Variants in SLC22A24 observed in about 807,000 individuals in gnomAD.
The protein encoded by SLC22A24 is steroid transmembrane transporter SLC22A24.
A neutral mutation model predicts 49.8 loss-of-function variants in SLC22A24; 53 were observed. The ratio of observed to expected loss-of-function variants is 1.06; its 90% CI spans 0.85 to 1.34. The LOEUF (loss-of-function observed/expected upper bound fraction) is 1.34. Among genes scored for constraint, SLC22A24 ranks in the 40% most tolerant of loss-of-function variants. SLC22A24 has a pLI of 0.00. For synonymous variants in SLC22A24, 302 were observed against 256.4 expected (o/e 1.18, Z -1.70); for missense variants, 786 against 675.9 (o/e 1.16, Z -1.81).
chr11:63,083,311 C>T lies in SLC22A24; in HGVS notation c.1217G>A (p.Arg406Gln), dbSNP rs1047710524. ...GAACGTGAACAATATCTGGCTTATT[C>T]GACGACCCATATGATTCAGTGTCAA... ...SLLTLNHMGR[R>Q]ISQILFTFPV... The change falls in exon 7 of 10, where the codon CGA becomes CAA. Residue 406 changes from arginine to glutamine, a missense_variant. Coordinates refer to ENST00000612278, the MANE Select transcript of SLC22A24 (RefSeq NM_001136506.2). The T allele has an allele frequency of 1.2e-5, 19 of 1,560,378 alleles. No homozygotes were observed. In the East Asian group the frequency reaches 2.4e-4, roughly 20 times the overall value.
rs568137275 is a variant in SLC22A24, at chr11:63,143,874, G to A, written c.-95C>T. ...TGTCCCCTTTCACAAAGTTACCATA[G>A]TGCCATGTGGATCCTGACACTGCTT... On this transcript the variant is annotated 5_prime_UTR_variant, in exon 1 of 10. Transcript: ENST00000612278. 2 of 1,069,398 alleles carry A rather than the reference G, an allele frequency of 1.9e-6. No individual in the cohort carries two copies. Among genetic ancestry groups the A allele is most frequent in the East Asian group, 3.2e-5 (1 of 31,572 alleles). The allele number at this position is 1,069,398 out of a possible 1,614,324, so 66.2% of individuals were successfully genotyped here.
intron 4 of SLC22A24, among the ~76,000 whole-genome samples, chr11:63,106,077 C>T: frequency 7.9e-6 from 1 of 125,924 alleles, no homozygotes; most frequent in South Asian, 3.3e-4. Context: ...GCTATCCCTC[C>T]CCCCTCCCCC....
At chr11:63,116,203 C>G in intron 4 of SLC22A24, 1 of 374,784 alleles carries the variant, frequency 2.7e-6, no homozygotes, top group Non-Finnish European at 4.9e-6. Flanking sequence ...TGCTTCTTGG[C>G]AAAGCGCATA....
At chr11:63,084,506 T>G (rs913053028) in intron 6 of SLC22A24, among the ~76,000 whole-genome samples, 1 of 152,106 alleles carries the variant, frequency 6.6e-6, no homozygotes, top group Admixed American at 6.5e-5. Flanking sequence ...AGAAAATGTA[T>G]GCAGGAGCCA....
chr11:63,092,562 T>C, intron 6 of SLC22A24, among the ~76,000 whole-genome samples: 1 of 107,138 alleles, frequency 9.3e-6, no homozygotes, highest in Non-Finnish European at 2.0e-5. Flanking sequence ...ATCTGATCTT[T>C]GACGAACCTG....
chr11:63,136,584 T>C (rs1385083693), intron 1 of SLC22A24, among the ~76,000 whole-genome samples: 1 of 152,238 alleles, frequency 6.6e-6, no homozygotes, highest in African/African-American at 2.4e-5. Context: ...ATTTGAGTAA[T>C]AATAAAACTC....
At chr11:63,134,546 A>G in intron 2 of SLC22A24, 119 bp downstream of exon 2, 1 of 602,502 alleles carries the variant, frequency 1.7e-6, no homozygotes, top group Non-Finnish European at 2.9e-6. Context: ...AGTCAGAAAG[A>G]GAGATCAGCA....
At chr11:63,138,325 G>A (rs138377536) in intron 1 of SLC22A24, among the ~76,000 whole-genome samples, 3 of 152,238 alleles carry the variant, frequency 2.0e-5, no homozygotes, top group Non-Finnish European at 4.4e-5. Context: ...TTCCTGACCA[G>A]TTAAAGCTTC....
intron 4 of SLC22A24, among the ~76,000 whole-genome samples, chr11:63,110,979 G>A (rs1467723638): frequency 1.3e-5 from 2 of 152,064 alleles, no homozygotes; most frequent in African/African-American, 2.4e-5. Flanking sequence ...GATATTGGCT[G>A]TGGGTTTGCC....
chr11:63,116,477 T>A (rs1348550678), intron 4 of SLC22A24: 1 of 154,148 alleles, frequency 6.5e-6, no homozygotes, highest in African/African-American at 2.4e-5. Flanking sequence ...TTAATCTTAT[T>A]GAGGATCTCT....
At chr11:63,108,665 G>A (rs1031390858) in intron 4 of SLC22A24, among the ~76,000 whole-genome samples, 1 of 152,064 alleles carries the variant, frequency 6.6e-6, no homozygotes, top group African/African-American at 2.4e-5. Flanking sequence ...TCTTGGGAGG[G>A]TGTATGTGTC....
intron 4 of SLC22A24, among the ~76,000 whole-genome samples, chr11:63,105,041 G>T (rs920797424): frequency 6.6e-6 from 1 of 152,226 alleles, no homozygotes. Flanking sequence ...CAGGCCCCAT[G>T]CAAGTTCAAA....
chr11:63,121,823 T>C (rs1314887357), intron 2 of SLC22A24, among the ~76,000 whole-genome samples: 1 of 152,162 alleles, frequency 6.6e-6, no homozygotes, highest in Non-Finnish European at 1.5e-5. Flanking sequence ...CGGAGTGTGA[T>C]GTTCCCCTTC....
chr11:63,104,013 C>A (rs903490331), intron 5 of SLC22A24, 162 bp downstream of exon 5: 2 of 609,208 alleles, frequency 3.3e-6, no homozygotes, highest in Non-Finnish European at 5.2e-6. Context: ...TATCTATATC[C>A]AAATCTTTGA....
chr11:63,089,785 A>G (rs898217272), intron 6 of SLC22A24, among the ~76,000 whole-genome samples: 2 of 152,144 alleles, frequency 1.3e-5, no homozygotes, highest in Admixed American at 6.5e-5. Flanking sequence ...GAAGATTAAA[A>G]AAGACAAAGA....
chr11:63,133,438 C>T (rs1463744677), intron 2 of SLC22A24, among the ~76,000 whole-genome samples: 1 of 152,080 alleles, frequency 6.6e-6, no homozygotes, highest in Non-Finnish European at 1.5e-5. Flanking sequence ...CCTATTCAGC[C>T]ATCTTGGAAG....
intron 6 of SLC22A24, among the ~76,000 whole-genome samples, chr11:63,090,804 C>T (rs2135196528): frequency 6.6e-6 from 1 of 151,898 alleles, no homozygotes; most frequent in Non-Finnish European, 1.5e-5. Context: ...ATTTTGTAGC[C>T]CTGAATGCCT....
rs1253040862 is a variant in SLC22A24, at chr11:63,119,308, C to A, written c.534G>T (p.Leu178Phe). ...TAGAGATGGCCAGCTGGAGGAAACA[C>A]AATTTGCATATGATCTTCCGTCCAA... ...DRVGRKIICK[L>F]CFLQLAISNT... Residue 178 changes from leucine to phenylalanine, a missense_variant, in exon 3 of 10, where the codon TTG (leucine) becomes TTT (phenylalanine). Leu to Phe is a conservative substitution (Grantham distance 22). Coordinates refer to ENST00000612278, the MANE Select transcript of SLC22A24 (RefSeq NM_001136506.2). 1.9e-6 allele frequency: 3 copies of A among 1,548,860 alleles called. No individual in the cohort carries two copies. In the South Asian group the frequency reaches 3.6e-5, roughly 19 times the overall value.
chr11:63,094,652 G>C (rs2087041997), intron 6 of SLC22A24, among the ~76,000 whole-genome samples: 1 of 152,126 alleles, frequency 6.6e-6, no homozygotes, highest in Non-Finnish European at 1.5e-5. Context: ...GTTGTTTCCT[G>C]ACTTTTTAAT....
Sources: gnomAD v4.1 joint callset for allele counts (sites outside exome capture counted in the v4.1 genomes callset) on GRCh38, gnomAD v4.1.1 for gene constraint, MANE v1.5 for transcripts, NCBI Gene and HGNC (gene_info 2026-07-23, HGNC 2026-07-21) for gene names.